ST6GAL1: variants seen among roughly 807,000 people sequenced by gnomAD.
ST6GAL1 encodes the protein ST6 beta-galactoside alpha-2,6-sialyltransferase 1.
ST6GAL1 carries 20 observed loss-of-function variants against 38.0 expected under a neutral mutation model. The observed-to-expected ratio is 0.53, with a 90% CI of 0.37 to 0.77. The LOEUF (loss-of-function observed/expected upper bound fraction) is 0.77, where lower values mean the gene tolerates loss of function less well. Among genes scored for constraint, ST6GAL1 ranks in the 30% least tolerant of loss-of-function variants. ST6GAL1 has a pLI of 0.00. For missense variants in ST6GAL1, 432 were observed against 496.4 expected (o/e 0.87, Z 1.23); for synonymous variants, 196 against 188.2 (o/e 1.04, Z -0.34).
intron 1 of ST6GAL1, among the ~76,000 whole-genome samples, chr3:186,935,152 C>T (rs962320065): frequency 1.3e-5 from 2 of 152,044 alleles, no homozygotes; most frequent in African/African-American, 4.8e-5. Flanking sequence ...TCCGTTTCCT[C>T]CTCCCACCCT....
At chr3:187,032,158 C>T (rs1717774480) in intron 2 of ST6GAL1, among the ~76,000 whole-genome samples, 1 of 152,098 alleles carries the variant, frequency 6.6e-6, no homozygotes, top group Non-Finnish European at 1.5e-5. Context: ...ACTTTTGTTT[C>T]AATTGGTTGA....
At chr3:187,055,997 G>A (rs1718687637) in intron 5 of ST6GAL1, among the ~76,000 whole-genome samples, 1 of 152,136 alleles carries the variant, frequency 6.6e-6, no homozygotes, top group Non-Finnish European at 1.5e-5. Flanking sequence ...CTCCTGTATT[G>A]GGTGCATATT....
chr3:187,048,597 G>A lies in ST6GAL1; in HGVS notation c.608-2652G>A, dbSNP rs553446176. ...GAAATTATCTTATATGTAGGTTGTTGTCCGTCTTTACTGTCTATGTCCGTG... is the reference window on the plus strand; with the variant it reads ...GAAATTATCTTATATGTAGGTTGTTATCCGTCTTTACTGTCTATGTCCGTG... On this transcript the variant is annotated intron_variant, in intron 4 of 7. Transcript: ENST00000169298. 5.9e-5 allele frequency among the ~76,000 whole-genome samples: 9 copies of A among 152,250 alleles called. No homozygotes were observed. The South Asian group carries it at 1.9e-3, about 32-fold the overall frequency.
chr3:186,950,531 C>T (rs769592165), intron 1 of ST6GAL1, among the ~76,000 whole-genome samples: 2 of 152,214 alleles, frequency 1.3e-5, no homozygotes, highest in Non-Finnish European at 2.9e-5. Context: ...CAGGCAGGAA[C>T]TGCAAAGGCA....
intron 2 of ST6GAL1, among the ~76,000 whole-genome samples, chr3:187,001,515 T>C (rs1156328973): frequency 6.6e-6 from 1 of 152,206 alleles, no homozygotes; most frequent in Non-Finnish European, 1.5e-5. Context: ...GAGGCCCACT[T>C]TGGTCAAATG....
chr3:186,963,465 G>A (rs1414794924), intron 1 of ST6GAL1, among the ~76,000 whole-genome samples: 1 of 152,184 alleles, frequency 6.6e-6, no homozygotes, highest in Admixed American at 6.5e-5. Flanking sequence ...TCCATTGTCC[G>A]CAGGCCTTCT....
chr3:186,954,252 T>C (rs543675202), intron 1 of ST6GAL1, among the ~76,000 whole-genome samples: 1 of 152,212 alleles, frequency 6.6e-6, no homozygotes, highest in Non-Finnish European at 1.5e-5. Context: ...TTGGGTTGAT[T>C]CCATATCTTT....
At chr3:187,072,432 T>C (rs546622552) in intron 5 of ST6GAL1, 1 of 274,738 alleles carries the variant, frequency 3.6e-6, no homozygotes, top group Admixed American at 4.8e-5. Context: ...CATCAGGATG[T>C]GTATGTAGTG....
At chr3:187,051,483 GAGA>G (rs1369160592) in intron 5 of ST6GAL1, 137 bp downstream of exon 5, 1 of 714,154 alleles carries the variant, frequency 1.4e-6, no homozygotes, top group Non-Finnish European at 2.4e-6. Flanking sequence ...TTCCTCACTG[GAGA>G]AGAAGACAAT....
At chr3:187,009,430 A>C (rs1716884785) in intron 2 of ST6GAL1, among the ~76,000 whole-genome samples, 1 of 152,172 alleles carries the variant, frequency 6.6e-6, no homozygotes, top group Non-Finnish European at 1.5e-5. Context: ...ATGGTGGTTC[A>C]TTATTGCTAC....
chr3:187,023,502 A>T (rs1717402097), intron 2 of ST6GAL1, among the ~76,000 whole-genome samples: 1 of 152,200 alleles, frequency 6.6e-6, no homozygotes, highest in African/African-American at 2.4e-5. Context: ...TCCAACAATG[A>T]TAGACTGGAT....
intron 2 of ST6GAL1, among the ~76,000 whole-genome samples, chr3:186,995,512 A>AAT (rs1560155458): frequency 0.029 from 1,951 of 66,248 alleles, 103 homozygotes; most frequent in African/African-American, 0.11. Flanking sequence ...TCTCAAAAAA[A>AAT]AAATAATAAT....
At chr3:187,034,979 A>G (rs901602376) in intron 2 of ST6GAL1, among the ~76,000 whole-genome samples, 2 of 152,200 alleles carry the variant, frequency 1.3e-5, no homozygotes, top group Non-Finnish European at 2.9e-5. Flanking sequence ...TTTGCTGACA[A>G]TATGATTCTA....
chr3:186,955,469 G>A (rs563626786), intron 1 of ST6GAL1, among the ~76,000 whole-genome samples: 5 of 151,950 alleles, frequency 3.3e-5, no homozygotes, highest in Admixed American at 1.3e-4. Flanking sequence ...CCACAAGCAC[G>A]GAATGTTTTT....
Position 187,077,271 on chromosome 3 carries a change from A to AGATG in ST6GAL1, c.*1469_*1470insATGG, listed in dbSNP as rs1719595549. The AGATG allele has an allele frequency of 2.4e-5, 7 of 290,162 alleles. No homozygotes were observed. The highest frequency in any genetic ancestry group is 4.4e-5 in the Non-Finnish European group (7 of 159,100). 18.0% of individuals were successfully genotyped at this position (290,162 alleles called of 1,614,324 possible). ...ACATGCTCTCCAGATGGTTTTACTAAGTCCCCTCTCCCTGATAGGGAATCC... is the reference window on the plus strand; with the variant it reads ...ACATGCTCTCCAGATGGTTTTACTAAGATGGTCCCCTCTCCCTGATAGGGAATCC... On this transcript the variant is annotated 3_prime_UTR_variant, in exon 8 of 8. Coordinates refer to ENST00000169298, the MANE Select transcript of ST6GAL1 (RefSeq NM_173216.2).
At chr3:186,990,090 G>A (rs1379816456) in intron 2 of ST6GAL1, among the ~76,000 whole-genome samples, 3 of 152,220 alleles carry the variant, frequency 2.0e-5, no homozygotes, top group East Asian at 1.9e-4. Flanking sequence ...CTGGAGTGCA[G>A]TGGTGCGATC....
At chr3:186,987,986 C>T (rs1427797019) in intron 2 of ST6GAL1, among the ~76,000 whole-genome samples, 2 of 152,148 alleles carry the variant, frequency 1.3e-5, no homozygotes, top group African/African-American at 4.8e-5. Context: ...CTTCTCATAC[C>T]TCTGCTTTAG....
chr3:187,043,345 T>C, intron 4 of ST6GAL1, 35 bp downstream of exon 4: 2 of 1,587,192 alleles, frequency 1.3e-6, no homozygotes. Flanking sequence ...ATGGCAGTGC[T>C]TATTGGGACT....
rs1314781703 is a variant in ST6GAL1 at position 187,067,395 on chromosome 3, T to G, written c.706-5454T>G. Among the ~76,000 whole-genome samples, 31 of 56,832 alleles carry G rather than the reference T, an allele frequency of 5.5e-4. No homozygotes were observed. In the African/African-American group the frequency reaches 0.013, roughly 23 times the overall value. 37.3% of individuals were successfully genotyped at this position (56,832 alleles called of 152,430 possible). The stretch of plus-strand genomic sequence containing the variant: ...AGCCACTGCACCTGGCAAGGCAACC[T>G]TTTTTTTTTTTTTTTTTTTTGGTAG... On this transcript the variant is annotated intron_variant, in intron 5 of 7. Transcript: ENST00000169298.
Sources: allele counts gnomAD v4.1 joint callset (sites outside exome capture counted in the v4.1 genomes callset), GRCh38; gene constraint gnomAD v4.1.1; transcripts MANE v1.5; gene names NCBI Gene and HGNC (gene_info 2026-07-23, HGNC 2026-07-21).